The following ARHGEF37 variants were observed in gnomAD, a reference collection of about 807,000 sequenced individuals.
ARHGEF37 encodes Rho guanine nucleotide exchange factor (GEF) 37.
In ARHGEF37, 55 loss-of-function variants were observed where a neutral mutation model predicts 71.1. The observed-to-expected ratio is 0.77, with a 90% CI of 0.62 to 0.97. The LOEUF (loss-of-function observed/expected upper bound fraction) is 0.97. ARHGEF37 is among the 50% of genes least tolerant of loss of function. ARHGEF37 has a pLI of 0.00. For synonymous variants in ARHGEF37, 327 were observed against 350.6 expected (o/e 0.93, Z 0.75); for missense variants, 765 against 836.8 (o/e 0.91, Z 1.06).
At position 149,632,380 on chromosome 5, in the gene ARHGEF37, A is replaced by T. The variant is rs935387157; in HGVS notation, c.*189A>T. The stretch of plus-strand genomic sequence containing the variant: ...AGAGTGCTTGGTGTGGTGGGGGCAC[A>T]GGAGGCTCCAGCCAGGACTGCTCAT... On this transcript the variant is annotated 3_prime_UTR_variant, in exon 13 of 13. Coordinates refer to ENST00000333677, the MANE Select transcript of ARHGEF37 (RefSeq NM_001001669.3). 6 of 628,268 alleles carry T rather than the reference A, an allele frequency of 9.6e-6. No individual in the cohort carries two copies. In the African/African-American group the frequency reaches 1.1e-4, roughly 12 times the overall value. The allele number at this position is 628,268 out of a possible 1,614,324, so 38.9% of individuals were successfully genotyped here.
intron 3 of ARHGEF37, among the ~76,000 whole-genome samples, chr5:149,603,233 T>C (rs1175833563): frequency 6.6e-6 from 1 of 152,178 alleles, no homozygotes; most frequent in African/African-American, 2.4e-5. Flanking sequence ...GTGCCTGGCC[T>C]AAATACGCAA....
At chr5:149,580,734 ATAAGCCCTAAAT>A (rs1763089965), upstream of ARHGEF37, among the ~76,000 whole-genome samples, 1 of 152,230 alleles carries the variant, frequency 6.6e-6, no homozygotes, top group Non-Finnish European at 1.5e-5. Flanking sequence ...ATAATAAATA[ATAAGCCCTAAAT>A]TAAGCCCTAA....
intron 2 of ARHGEF37, among the ~76,000 whole-genome samples, chr5:149,599,827 T>G (rs1482709528): frequency 1.3e-5 from 2 of 152,210 alleles, no homozygotes; most frequent in Non-Finnish European, 2.9e-5. Flanking sequence ...TTAAAATTAG[T>G]CTTTCTTCAT....
intron 1 of ARHGEF37, among the ~76,000 whole-genome samples, chr5:149,563,464 G>C (rs1236701384): frequency 6.6e-6 from 1 of 152,190 alleles, no homozygotes; most frequent in Admixed American, 6.5e-5. Flanking sequence ...AGGATTTCAA[G>C]TTCTGTCATT....
intron 1 of ARHGEF37, among the ~76,000 whole-genome samples, chr5:149,583,300 T>C (rs1353186370): frequency 6.6e-6 from 1 of 151,992 alleles, no homozygotes; most frequent in African/African-American, 2.4e-5. Context: ...CTATGCCCGG[T>C]TAATTTTTTG....
At chr5:149,615,024 C>T (rs1250460892) in intron 4 of ARHGEF37, among the ~76,000 whole-genome samples, 4 of 152,130 alleles carry the variant, frequency 2.6e-5, no homozygotes, top group Non-Finnish European at 4.4e-5. Flanking sequence ...AGCCCCTTCC[C>T]GGATGCTATT....
rs114450475 is a variant in ARHGEF37 at position 149,623,859 on chromosome 5, C to T, written c.1336-153C>T. On this transcript the variant is annotated intron_variant, in intron 9 of 12. Transcript: ENST00000333677. ...TCTCACTCACTCCTAGGTTGTCTGACGAAAATGCAAGAGATCCTGCACAGG... is the reference window on the plus strand; with the variant it reads ...TCTCACTCACTCCTAGGTTGTCTGATGAAAATGCAAGAGATCCTGCACAGG... 8.9e-4 allele frequency among the ~76,000 whole-genome samples: 136 copies of T among 152,226 alleles called. 1 individual carries two copies. Among genetic ancestry groups the T allele is most frequent in the African/African-American group, 3.0e-3 (126 of 41,532 alleles).
intron 3 of ARHGEF37, among the ~76,000 whole-genome samples, chr5:149,601,956 G>T (rs1763767548): frequency 6.6e-6 from 1 of 152,210 alleles, no homozygotes; most frequent in Non-Finnish European, 1.5e-5. Context: ...AGCTTTATAG[G>T]TCATGGCAAG....
intron 1 of ARHGEF37, chr5:149,552,187 T>TG (rs2113220366): frequency 1.1e-5 from 1 of 88,314 alleles, no homozygotes; most frequent in East Asian, 3.3e-4. Flanking sequence ...TTAACAAGAG[T>TG]GAAAAAACTG....
In ARHGEF37 at chr5:149,604,603, C is replaced by T. The variant is rs532954091; in HGVS notation, c.310+3372C>T. Among the ~76,000 whole-genome samples the T allele has an allele frequency of 1.5e-4, 23 of 151,814 alleles. 1 individual carries two copies. In the South Asian group the frequency reaches 4.6e-3, roughly 30 times the overall value. On this transcript the variant is annotated intron_variant, in intron 3 of 12. Coordinates refer to ENST00000333677, the MANE Select transcript of ARHGEF37 (RefSeq NM_001001669.3). ...GGCTGCTCTGGCTCTTGCCTGCTGT[C>T]TCTCTATTCCCCTTCTAGCCCCTAG...
At chr5:149,555,242 T>G (rs943631621) in intron 1 of ARHGEF37, among the ~76,000 whole-genome samples, 6 of 151,954 alleles carry the variant, frequency 3.9e-5, no homozygotes, top group African/African-American at 1.4e-4. Context: ...AAATAAAAAT[T>G]TTAGACCTTG....
In ARHGEF37 at chr5:149,619,043, G is replaced by T. The variant is rs199665632; in HGVS notation, c.894+1G>T. On this transcript the variant is annotated splice_donor_variant, in intron 7 of 12. Coordinates refer to ENST00000333677, the MANE Select transcript of ARHGEF37 (RefSeq NM_001001669.3). LOFTEE classifies it high-confidence loss of function. ...GGCTGCTTACCTGGACAATCTGCAG[G>T]TGAGGACACTGCAGGGTTCATAAAG... The T allele has an allele frequency of 1.2e-6, 2 of 1,612,160 alleles. No individual in the cohort carries two copies. The highest frequency in any genetic ancestry group is 2.7e-5 in the African/African-American group (2 of 74,992).
chr5:149,561,125 T>G (rs1762823017), intron 1 of ARHGEF37, among the ~76,000 whole-genome samples: 1 of 151,924 alleles, frequency 6.6e-6, no homozygotes, highest in Non-Finnish European at 1.5e-5. Flanking sequence ...ATACAAAAAT[T>G]TGCTGGGCGT....
intron 2 of ARHGEF37, among the ~76,000 whole-genome samples, chr5:149,598,757 TAGATATAG>T (rs1385561498): frequency 4.0e-5 from 3 of 74,732 alleles, no homozygotes; most frequent in African/African-American, 1.5e-4. Flanking sequence ...TATCTATATA[TAGATATAG>T]ATATAGATAT....
intron 2 of ARHGEF37, among the ~76,000 whole-genome samples, chr5:149,598,262 ACT>A (rs1491147571): frequency 2.6e-5 from 3 of 114,254 alleles, no homozygotes; most frequent in Non-Finnish European, 5.5e-5. Flanking sequence ...GCTTAAACTG[ACT>A]CTTCTTCTTC....
In ARHGEF37 at chr5:149,632,974, C is replaced by T. The variant is rs749225089; in HGVS notation, c.*783C>T. On this transcript the variant is annotated 3_prime_UTR_variant, in exon 13 of 13. Coordinates refer to ENST00000333677, the MANE Select transcript of ARHGEF37 (RefSeq NM_001001669.3). Reference sequence around the variant, plus strand: ...CTAGGGAACAAAGGGGTATGCAAATCATAGAGGAAACTCTGGGAAGGCGGT... The same window carrying T: ...CTAGGGAACAAAGGGGTATGCAAATTATAGAGGAAACTCTGGGAAGGCGGT... 1 of 152,820 alleles carries T rather than the reference C, an allele frequency of 6.5e-6. No homozygotes were observed. The highest frequency in any genetic ancestry group is 2.4e-5 in the African/African-American group (1 of 41,454). 9.5% of individuals were successfully genotyped at this position (152,820 alleles called of 1,614,324 possible).
chr5:149,629,064 G>T (rs1752797716), intron 12 of ARHGEF37, 98 bp downstream of exon 12: 2 of 1,415,790 alleles, frequency 1.4e-6, no homozygotes, highest in African/African-American at 1.4e-5. Context: ...CCTCCTGTCT[G>T]GTGGGGCTGC....
At chr5:149,579,747 A>T (rs1286078596), upstream of ARHGEF37, among the ~76,000 whole-genome samples, 1 of 151,702 alleles carries the variant, frequency 6.6e-6, no homozygotes, top group Non-Finnish European at 1.5e-5. Flanking sequence ...ATGCCCAGCT[A>T]ATTTTTGTAT....
intron 1 of ARHGEF37, among the ~76,000 whole-genome samples, chr5:149,589,813 C>T (rs1013627421): frequency 5.9e-5 from 9 of 152,032 alleles, no homozygotes; most frequent in African/African-American, 2.2e-4. Context: ...GCCACCATGC[C>T]CGGCCGCCTG....
Sources: allele counts gnomAD v4.1 joint callset (sites outside exome capture counted in the v4.1 genomes callset), GRCh38; gene constraint gnomAD v4.1.1; transcripts MANE v1.5; gene names NCBI Gene and HGNC (gene_info 2026-07-23, HGNC 2026-07-21).